Variants in COL18A1 observed in about 807,000 individuals in gnomAD.
COL18A1 encodes the protein collagen type XVIII alpha 1 chain.
A neutral mutation model predicts 168.0 loss-of-function variants in COL18A1; 133 were observed. That is an observed-to-expected ratio of 0.79 (90% CI 0.69 to 0.91). The LOEUF (loss-of-function observed/expected upper bound fraction) is 0.91. COL18A1 is among the 40% of genes least tolerant of loss of function. The probability of loss-of-function intolerance (pLI) is 0.00; values close to 1 mark genes in which losing one functional copy is unlikely to be tolerated. For synonymous variants in COL18A1, 949 were observed against 809.0 expected, an observed-to-expected ratio of 1.17 and a Z score of -2.94; for missense variants, 2,126 against 1,925.4, an observed-to-expected ratio of 1.10 and a Z score of -1.95.
chr21:45,468,121 G>T, intron 2 of COL18A1, 121 bp from the exon 3 acceptor site: 1 of 1,078,686 alleles, frequency 9.3e-7, no homozygotes. Flanking sequence ...CAGGCACGTG[G>T]AGAGCCCTCC....
Position 45,412,069 on chromosome 21 carries a change from A to T in COL18A1, c.106+6596A>T, listed in dbSNP as rs574463574. Among the ~76,000 whole-genome samples the T allele has an allele frequency of 6.1e-4, 93 of 152,170 alleles. 1 individual carries two copies. Among genetic ancestry groups the T allele is most frequent in the African/African-American group, 2.2e-3 (90 of 41,498 alleles). ...AAGGGGCCGTCGTGCTTCTCTGGGA[A>T]TGCCGGGTTTGTGGCTCGTGCCCAC... On this transcript the variant is annotated intron_variant, in intron 2 of 41. Transcript: ENST00000651438.
chr21:45,487,649 C>T (rs375621306), intron 17 of COL18A1, 140 bp downstream of exon 17: 15 of 1,061,990 alleles, frequency 1.4e-5, no homozygotes, highest in East Asian at 2.4e-5. Flanking sequence ...GTGTGGCGGG[C>T]GCTGTGCCCC....
At chr21:45,450,633 C>CG (rs1214301524) in intron 2 of COL18A1, among the ~76,000 whole-genome samples, 1 of 152,200 alleles carries the variant, frequency 6.6e-6, no homozygotes, top group Admixed American at 6.5e-5. Flanking sequence ...AACCCTGGCT[C>CG]GGGGCAGGGC....
intron 36 of COL18A1, 143 bp from the exon 37 acceptor site, chr21:45,505,695 C>T (rs2037159171): frequency 1.4e-6 from 1 of 726,994 alleles, no homozygotes. Context: ...CCCCATGGTG[C>T]TCATGGGGGC....
intron 2 of COL18A1, among the ~76,000 whole-genome samples, chr21:45,451,078 G>C (rs1037605034): frequency 1.3e-5 from 2 of 152,246 alleles, no homozygotes; most frequent in Non-Finnish European, 2.9e-5. Context: ...CCTCTGGGGG[G>C]TGTGAGGTTC....
intron 2 of COL18A1, among the ~76,000 whole-genome samples, chr21:45,432,060 G>A (rs79940064): frequency 0.025 from 3,878 of 152,272 alleles, 71 homozygotes; most frequent in Non-Finnish European, 0.039. Flanking sequence ...CAGGCCCTGG[G>A]CGGTGCCCAC....
chr21:45,453,224 ATGTG>A (rs1198421121), intron 2 of COL18A1, among the ~76,000 whole-genome samples: 1 of 152,078 alleles, frequency 6.6e-6, no homozygotes, highest in Non-Finnish European at 1.5e-5. Context: ...ATGTATGTAC[ATGTG>A]TGTGCTTGTG....
intron 37 of COL18A1, 23 bp from the exon 38 acceptor site, chr21:45,507,538 G>T: frequency 1.2e-6 from 2 of 1,610,566 alleles, no homozygotes; most frequent in Non-Finnish European, 1.7e-6. Context: ...CAGGTCCTGG[G>T]TGACCCTGCT....
At chr21:45,484,348 G>A (rs2036022046) in intron 15 of COL18A1, among the ~76,000 whole-genome samples, 1 of 128,898 alleles carries the variant, frequency 7.8e-6, no homozygotes, top group African/African-American at 3.1e-5. Context: ...CACATCTCCA[G>A]CATATGTGCG....
At chr21:45,482,676 G>A (rs759249281) in intron 14 of COL18A1, 119 bp from the exon 15 acceptor site, 1 of 1,455,734 alleles carries the variant, frequency 6.9e-7, no homozygotes, top group Non-Finnish European at 9.6e-7. Context: ...TATTAAACCG[G>A]CACAGGCAGC....
chr21:45,454,407 G>A (rs1157420282), intron 2 of COL18A1, among the ~76,000 whole-genome samples: 3 of 152,192 alleles, frequency 2.0e-5, no homozygotes, highest in Non-Finnish European at 2.9e-5. Context: ...GCCTGGAGGA[G>A]GCAGGGTGAC....
Position 45,477,931 on chromosome 21 carries a change from G to T in COL18A1, c.1187G>T (p.Gly396Val). The T allele has an allele frequency of 6.4e-7, 1 of 1,563,190 alleles. No homozygotes were observed. The highest frequency in any genetic ancestry group is 8.7e-7 in the Non-Finnish European group (1 of 1,153,006). ...CCACAAGGACCCCCAGGGCCTCCGGGGAGGGACGGCACCCCTGGAAGGGAC... is the reference window on the plus strand; with the variant it reads ...CCACAAGGACCCCCAGGGCCTCCGGTGAGGGACGGCACCCCTGGAAGGGAC... ...PGPQGPPGPP[G>V]RDGTPGRDGE... Residue 396 changes from glycine to valine, a missense_variant, in exon 8 of 42, where the codon GGG becomes GTG. Transcript: ENST00000651438.
intron 24 of COL18A1, 53 bp from the exon 25 acceptor site, chr21:45,493,110 G>A (rs936608012): frequency 1.3e-5 from 20 of 1,510,598 alleles, no homozygotes; most frequent in Non-Finnish European, 1.6e-5. Flanking sequence ...GCAGCCGTCG[G>A]GGATGGGGGA....
In COL18A1 at chr21:45,498,963, C is replaced by T. The variant is rs1044782506; in HGVS notation, c.2683+1302C>T. ...TTTTGGTCGACGTGGGATTGCTTGTCCCTGGGAGCCAGAACGAGGGCTCCG... is the reference window on the plus strand; with the variant it reads ...TTTTGGTCGACGTGGGATTGCTTGTTCCTGGGAGCCAGAACGAGGGCTCCG... On this transcript the variant is annotated intron_variant, in intron 32 of 41. Transcript: ENST00000651438. The surrounding 1 kb of genome is among the most constrained non-coding windows in gnomAD (Gnocchi z 4.5). Among the ~76,000 whole-genome samples the T allele has an allele frequency of 1.3e-5, 2 of 152,152 alleles. No individual in the cohort carries two copies. The highest frequency in any genetic ancestry group is 4.8e-5 in the African/African-American group (2 of 41,416).
At chr21:45,444,585 G>T (rs551039230) in intron 2 of COL18A1, among the ~76,000 whole-genome samples, 2 of 152,232 alleles carry the variant, frequency 1.3e-5, no homozygotes, top group Admixed American at 6.5e-5. Context: ...TGCCAGCTGC[G>T]AGCACCGGGG....
In COL18A1 at chr21:45,508,304, T is replaced by C. The variant is rs374014124; in HGVS notation, c.3249+711T>C. On this transcript the variant is annotated intron_variant, in intron 38 of 41. Transcript: ENST00000651438. Reference sequence around the variant, plus strand: ...GGTAGATGGGGAGGTGGATGGGTGGTTGCTGGACAGGTGGGTGAGTGGATA... The same window carrying C: ...GGTAGATGGGGAGGTGGATGGGTGGCTGCTGGACAGGTGGGTGAGTGGATA... Among the ~76,000 whole-genome samples the C allele has an allele frequency of 3.8e-3, 553 of 144,484 alleles. 6 individuals are homozygous for C. The highest frequency in any genetic ancestry group is 0.014 in the African/African-American group (539 of 38,074). 94.8% of individuals were successfully genotyped at this position (144,484 alleles called of 152,430 possible). A position where few individuals can be genotyped will look rare whatever the true frequency, so the allele number is the denominator to read the frequency against.
In COL18A1 at chr21:45,480,942, C is replaced by T. The variant is rs9983599; in HGVS notation, c.1611+84C>T. Reference sequence around the variant, plus strand: ...ACACCCCACATGGGAGCCCCTGCCCCGCCTCAGGCCTCCCCAGTCCCCGCC... The same window carrying T: ...ACACCCCACATGGGAGCCCCTGCCCTGCCTCAGGCCTCCCCAGTCCCCGCC... On this transcript the variant is annotated intron_variant, in intron 13 of 41. Coordinates refer to ENST00000651438, the MANE Select transcript of COL18A1 (RefSeq NM_001379500.1). 0.22 allele frequency: 341,587 copies of T among 1,522,116 alleles called. 39,148 individuals are homozygous for T. Among genetic ancestry groups the T allele is most frequent in the Middle Eastern group, 0.26 (1,184 of 4,594 alleles). The allele number at this position is 1,522,116 out of a possible 1,614,324, so 94.3% of individuals were successfully genotyped here.
At chr21:45,428,041 C>T (rs2033856735) in intron 2 of COL18A1, among the ~76,000 whole-genome samples, 2 of 152,228 alleles carry the variant, frequency 1.3e-5, no homozygotes, top group Admixed American at 6.5e-5. Context: ...GCCCACTGCT[C>T]GCGCCGGCCA....
chr21:45,504,603 G>C, intron 34 of COL18A1, 47 bp downstream of exon 34: 1 of 1,530,128 alleles, frequency 6.5e-7, no homozygotes, highest in Non-Finnish European at 8.8e-7. Context: ...AGGGGTCTGG[G>C]TGCAGGAGCC....
Sources: allele counts gnomAD v4.1 joint callset (sites outside exome capture counted in the v4.1 genomes callset), GRCh38; gene constraint gnomAD v4.1.1; non-coding constraint Gnocchi (gnomAD v3.1); transcripts MANE v1.5; gene names NCBI Gene and HGNC (gene_info 2026-07-23, HGNC 2026-07-21).